The following SATB2 variants were observed in gnomAD, a reference collection of about 807,000 sequenced individuals.
SATB2 encodes the protein SATB homeobox 2, also known as DNA-binding protein SATB2.
Under a neutral mutation model 73.4 loss-of-function variants are expected in SATB2, and 1 was observed. The observed-to-expected ratio is 0.01, with a 90% CI of 0.00 to 0.06. SATB2 has a LOEUF of 0.06. Among genes scored for constraint, SATB2 ranks in the 10% least tolerant of loss-of-function variants. The probability of loss-of-function intolerance (pLI) is 1.00; values close to 1 mark genes in which losing one functional copy is unlikely to be tolerated. For synonymous variants in SATB2, 397 were observed against 367.0 expected (o/e 1.08, Z -0.93); for missense variants, 459 against 945.8 (o/e 0.49, Z 6.75).
intron 10 of SATB2, among the ~76,000 whole-genome samples, chr2:199,303,278 A>G (rs558497193): frequency 1.3e-5 from 2 of 152,282 alleles, no homozygotes; most frequent in East Asian, 1.9e-4. Context: ...GTTGTTCACA[A>G]TAACTGAAGA....
At chr2:199,373,961 C>T (rs1689522946) in intron 5 of SATB2, among the ~76,000 whole-genome samples, 1 of 152,214 alleles carries the variant, frequency 6.6e-6, no homozygotes, top group Admixed American at 6.5e-5. Flanking sequence ...AGTTGATCAG[C>T]CACTATATAT....
intron 3 of SATB2, among the ~76,000 whole-genome samples, chr2:199,397,367 T>G (rs929430940): frequency 2.6e-5 from 4 of 152,204 alleles, no homozygotes; most frequent in South Asian, 4.1e-4. Context: ...GCTCTTTATA[T>G]CCAAAGAATT....
At chr2:199,413,233 C>G (rs1690876113) in intron 3 of SATB2, among the ~76,000 whole-genome samples, 1 of 152,150 alleles carries the variant, frequency 6.6e-6, no homozygotes, top group Admixed American at 6.5e-5. Flanking sequence ...CTTAGCATCA[C>G]AGCTTTTGGC....
chr2:199,415,475 T>C (rs1465910236), intron 3 of SATB2, among the ~76,000 whole-genome samples: 2 of 152,218 alleles, frequency 1.3e-5, no homozygotes, highest in East Asian at 3.8e-4. Flanking sequence ...ATATCATGTT[T>C]AAAATTGTAT....
chr2:199,348,834 C>T lies in SATB2; in HGVS notation c.1040G>A (p.Arg347Lys), dbSNP rs757817590. 3 of 1,614,026 alleles carry T rather than the reference C, an allele frequency of 1.9e-6. No individual in the cohort carries two copies. The Admixed American group carries it at 5.0e-5, about 27-fold the overall frequency. The change falls in exon 7 of 11, where the codon AGA (arginine) becomes AAA (lysine). Residue 347 changes from arginine to lysine, a missense_variant. Arg to Lys is a conservative substitution (Grantham distance 26). Coordinates refer to ENST00000417098, the MANE Select transcript of SATB2 (RefSeq NM_001172509.2). Reference protein sequence around the residue: ...QQFLNHPPIPRAVKPEPTNSS... With the variant: ...QQFLNHPPIPKAVKPEPTNSS... ...GTTGGTTGGCTCTGGCTTAACTGCT[C>T]TGGGGATGGGTGGATGGTTCAGGAA...
In SATB2 at chr2:199,443,021, A is replaced by ATTTT. The variant is rs10673737; in HGVS notation, c.170-9511_170-9508dup. 4.3e-4 allele frequency among the ~76,000 whole-genome samples: 58 copies of ATTTT among 133,530 alleles called. 1 individual carries two copies. The highest frequency in any genetic ancestry group is 6.6e-4 in the Non-Finnish European group (42 of 64,036). 87.6% of individuals were successfully genotyped at this position (133,530 alleles called of 152,430 possible). A position where few individuals can be genotyped will look rare whatever the true frequency, so the allele number is the denominator to read the frequency against. On this transcript the variant is annotated intron_variant, in intron 2 of 10. Transcript: ENST00000417098. Reference sequence around the variant, plus strand: ...AATTTCATTCTGGAGGTTTCTGAGAATTTTTTTTTTTTTTTTTTGAGACAG... The same window carrying ATTTT: ...AATTTCATTCTGGAGGTTTCTGAGAATTTTTTTTTTTTTTTTTTTTTTGAGACAG...
At chr2:199,327,725 CT>C (rs34326177) in intron 8 of SATB2, among the ~76,000 whole-genome samples, 13 of 152,172 alleles carry the variant, frequency 8.5e-5, no homozygotes, top group Admixed American at 2.0e-4. Flanking sequence ...GAAAAGAATA[CT>C]TTTCAAGTGT....
rs188745475 is a variant in SATB2, at chr2:199,319,838, T to G, written c.1542+3965A>C. 4.0e-5 allele frequency among the ~76,000 whole-genome samples: 6 copies of G among 151,604 alleles called. No individual in the cohort carries two copies. In the East Asian group the frequency reaches 1.2e-3, roughly 29 times the overall value. ...ATCGTAGCCCATAAAAGGGAGAAGA[T>G]AGCAGGATATGAGAAGAAAAAAACA... is the stretch of plus-strand genomic sequence containing the variant. On this transcript the variant is annotated intron_variant, in intron 9 of 10. Coordinates refer to ENST00000417098, the MANE Select transcript of SATB2 (RefSeq NM_001172509.2).
chr2:199,438,047 T>C (rs984710095), intron 2 of SATB2, among the ~76,000 whole-genome samples: 1 of 152,118 alleles, frequency 6.6e-6, no homozygotes, highest in African/African-American at 2.4e-5. Context: ...ACATAGCTAG[T>C]CTCAAATTGA....
chr2:199,373,971 T>C (rs974847759), intron 5 of SATB2, among the ~76,000 whole-genome samples: 9 of 152,358 alleles, frequency 5.9e-5, no homozygotes, highest in Non-Finnish European at 1.0e-4. Context: ...CCACTATATA[T>C]GATGAGCACA....
At chr2:199,427,001 A>G (rs943151000) in intron 3 of SATB2, among the ~76,000 whole-genome samples, 1 of 151,900 alleles carries the variant, frequency 6.6e-6, no homozygotes, top group Non-Finnish European at 1.5e-5. Flanking sequence ...AGCCTCCCGC[A>G]TAGCTGGAAT....
intron 3 of SATB2, among the ~76,000 whole-genome samples, chr2:199,389,660 T>C (rs1299405660): frequency 2.0e-5 from 3 of 152,206 alleles, no homozygotes; most frequent in Non-Finnish European, 4.4e-5. Context: ...CTTCTCTGTT[T>C]GCAAGAATTC....
intron 4 of SATB2, among the ~76,000 whole-genome samples, 170 bp from the exon 5 acceptor site, chr2:199,380,657 C>T (rs1185782506): frequency 2.0e-5 from 3 of 152,090 alleles, no homozygotes; most frequent in Non-Finnish European, 2.9e-5. Context: ...CAAGACTTTG[C>T]GAGGGCCCAA....
At position 199,272,117 on chromosome 2, in the gene SATB2, C is replaced by A; in HGVS notation, c.*94G>T. ...AAATAAAGCCAAAAAAACCCAAAAACAAAAACAAAAAACAAACTAACAAAA... is the reference window on the plus strand; with the variant it reads ...AAATAAAGCCAAAAAAACCCAAAAAAAAAAACAAAAAACAAACTAACAAAA... On this transcript the variant is annotated 3_prime_UTR_variant, in exon 11 of 11. Transcript: ENST00000417098. This position sits in a 1 kb window ranked among gnomAD's most constrained non-coding sequence, Gnocchi z 6.7. The A allele has an allele frequency of 7.6e-7, 1 of 1,323,230 alleles. No individual in the cohort carries two copies. Among genetic ancestry groups the A allele is most frequent in the Non-Finnish European group, 1.1e-6 (1 of 929,142 alleles). 82.0% of individuals were successfully genotyped at this position (1,323,230 alleles called of 1,614,324 possible).
chr2:199,337,471 C>T (rs1031712895), intron 7 of SATB2, among the ~76,000 whole-genome samples: 1 of 152,014 alleles, frequency 6.6e-6, no homozygotes, highest in Non-Finnish European at 1.5e-5. Flanking sequence ...TACAAAGTAC[C>T]AAAGTGTTTA....
At chr2:199,341,735 A>C (rs1688511355) in intron 7 of SATB2, among the ~76,000 whole-genome samples, 1 of 152,204 alleles carries the variant, frequency 6.6e-6, no homozygotes, top group Non-Finnish European at 1.5e-5. Context: ...AAAACTATAG[A>C]TAGGTTTTAC....
At chr2:199,415,541 T>C (rs542918395) in intron 3 of SATB2, among the ~76,000 whole-genome samples, 1 of 152,336 alleles carries the variant, frequency 6.6e-6, no homozygotes, top group South Asian at 2.1e-4. Context: ...ATAACTGAGT[T>C]TACATTAAGA....
rs1203032141 is a variant in SATB2 at position 199,455,828 on chromosome 2, C to T, written c.169+41G>A. On this transcript the variant is annotated intron_variant, in intron 2 of 10. Transcript: ENST00000417098. This position sits in a 1 kb window ranked among gnomAD's most constrained non-coding sequence, Gnocchi z 4.1. ...AACCCTGACACCCGGGCCATTATCA[C>T]TGGGCCGCGGGCTGCGCGCCTCCCT... 2 of 1,532,934 alleles carry T rather than the reference C, an allele frequency of 1.3e-6. No homozygotes were observed. The highest frequency in any genetic ancestry group is 3.9e-5 in the Admixed American group (2 of 50,970). 95.0% of individuals were successfully genotyped at this position (1,532,934 alleles called of 1,614,324 possible). A position where few individuals can be genotyped will look rare whatever the true frequency, so the allele number is the denominator to read the frequency against.
At chr2:199,344,102 G>C (rs1049639043) in intron 7 of SATB2, among the ~76,000 whole-genome samples, 2 of 152,104 alleles carry the variant, frequency 1.3e-5, no homozygotes, top group Non-Finnish European at 2.9e-5. Flanking sequence ...AATGTATACT[G>C]TATTTGCTTC....
Sources: gnomAD v4.1 joint callset for allele counts (sites outside exome capture counted in the v4.1 genomes callset) on GRCh38, gnomAD v4.1.1 for gene constraint, Gnocchi (gnomAD v3.1) non-coding constraint, MANE v1.5 for transcripts, NCBI Gene and HGNC (gene_info 2026-07-23, HGNC 2026-07-21) for gene names.